The following NTRK2 variants were observed in gnomAD, a reference collection of about 807,000 sequenced individuals.
NTRK2 encodes BDNF/NT-3 growth factors receptor.
Under a neutral mutation model 94.5 loss-of-function variants are expected in NTRK2, and 13 were observed. That is an observed-to-expected ratio of 0.14 (90% confidence interval 0.09 to 0.22). The LOEUF is 0.22. Among genes scored for constraint, NTRK2 ranks in the 10% least tolerant of loss-of-function variants. The probability of loss-of-function intolerance (pLI) is 1.00; values close to 1 mark genes in which losing one functional copy is unlikely to be tolerated. For missense variants in NTRK2, 639 were observed against 1,071.2 expected (o/e 0.60, Z 5.63); for synonymous variants, 372 against 407.4 (o/e 0.91, Z 1.05).
At chr9:84,948,814 T>C (rs1049529771) in intron 16 of NTRK2, among the ~76,000 whole-genome samples, 180 bp downstream of exon 16, 3 of 152,208 alleles carry the variant, frequency 2.0e-5, no homozygotes, top group Admixed American at 6.5e-5. Flanking sequence ...GTCTTGTTCT[T>C]TTTCCTTAAT....
intron 12 of NTRK2, among the ~76,000 whole-genome samples, chr9:84,796,436 A>G (rs922317310): frequency 6.6e-6 from 1 of 152,190 alleles, no homozygotes; most frequent in Non-Finnish European, 1.5e-5. Context: ...ACTTAGTTTC[A>G]AGAGGTGCTG....
At chr9:84,980,358 A>C (rs1466851747) in intron 17 of NTRK2, among the ~76,000 whole-genome samples, 1 of 152,066 alleles carries the variant, frequency 6.6e-6, no homozygotes, top group Non-Finnish European at 1.5e-5. Context: ...TCTTCTTTTG[A>C]CTTACTTACT....
At chr9:85,005,397 G>A (rs1431884081) in intron 17 of NTRK2, among the ~76,000 whole-genome samples, 1 of 152,140 alleles carries the variant, frequency 6.6e-6, no homozygotes, top group Non-Finnish European at 1.5e-5. Flanking sequence ...CTGTGGTCTT[G>A]GATTTCTATG....
chr9:84,897,679 G>T (rs2076800159), intron 14 of NTRK2, among the ~76,000 whole-genome samples: 1 of 152,322 alleles, frequency 6.6e-6, no homozygotes, highest in Non-Finnish European at 1.5e-5. Flanking sequence ...TTAGGACCCA[G>T]AAGTGCAGAG....
rs1205215890 is a variant in NTRK2, at chr9:85,026,020, TTA to T, written c.*4584_*4585del. On this transcript the variant is annotated 3_prime_UTR_variant, in exon 19 of 19. Transcript: ENST00000277120. ...TCAAGTCAAAGGTTCTTGAATATCC[TTA>T]GTTTTTGCATTTCCCCTCCTTTTCC... 1.3e-5 allele frequency: 3 copies of T among 231,662 alleles called. No individual in the cohort carries two copies. In the East Asian group the frequency reaches 1.8e-4, roughly 14 times the overall value. The allele number at this position is 231,662 out of a possible 1,614,324, so 14.4% of individuals were successfully genotyped here. A position where few individuals can be genotyped will look rare whatever the true frequency, so the allele number is the denominator to read the frequency against.
chr9:84,952,008 AT>A (rs1164289117), intron 16 of NTRK2, among the ~76,000 whole-genome samples: 2 of 152,102 alleles, frequency 1.3e-5, no homozygotes, highest in Non-Finnish European at 2.9e-5. Context: ...GGGTTTCATG[AT>A]TTTTCCTCTT....
At chr9:84,915,448 C>T (rs1266134140) in intron 14 of NTRK2, among the ~76,000 whole-genome samples, 1 of 152,088 alleles carries the variant, frequency 6.6e-6, no homozygotes, top group East Asian at 1.9e-4. Context: ...GTGGCTGGTG[C>T]CTCCTCCACT....
intron 12 of NTRK2, among the ~76,000 whole-genome samples, chr9:84,759,632 T>A (rs1299911256): frequency 6.6e-6 from 1 of 152,256 alleles, no homozygotes; most frequent in East Asian, 1.9e-4. Flanking sequence ...ACTTCTTTGG[T>A]CTTCCATTAA....
At chr9:84,762,656 C>T (rs1050995721) in intron 12 of NTRK2, among the ~76,000 whole-genome samples, 2 of 152,196 alleles carry the variant, frequency 1.3e-5, no homozygotes, top group Admixed American at 6.5e-5. Flanking sequence ...AGACACCTAT[C>T]TCAGGCACAA....
chr9:84,890,642 T>C (rs533653082), intron 14 of NTRK2, among the ~76,000 whole-genome samples: 30 of 152,316 alleles, frequency 2.0e-4, no homozygotes, highest in African/African-American at 5.8e-4. Flanking sequence ...GAGATATAAA[T>C]GAAATTTCCA....
chr9:84,911,029 C>T (rs1318911461), intron 14 of NTRK2, among the ~76,000 whole-genome samples: 1 of 152,120 alleles, frequency 6.6e-6, no homozygotes, highest in Non-Finnish European at 1.5e-5. Context: ...AATCCATGAA[C>T]ATAGTATGTT....
At chr9:84,846,984 A>G (rs2074504359) in intron 12 of NTRK2, among the ~76,000 whole-genome samples, 1 of 152,248 alleles carries the variant, frequency 6.6e-6, no homozygotes, top group Non-Finnish European at 1.5e-5. Flanking sequence ...CACAACAGAC[A>G]CAAACAGGCA....
intron 17 of NTRK2, among the ~76,000 whole-genome samples, chr9:84,993,805 C>T (rs920615505): frequency 6.6e-6 from 1 of 152,198 alleles, no homozygotes; most frequent in Non-Finnish European, 1.5e-5. Flanking sequence ...TTGCACCTCT[C>T]CTGTCGCAGG....
chr9:84,873,543 C>G, intron 14 of NTRK2: 1 of 1,056,100 alleles, frequency 9.5e-7, no homozygotes, highest in Non-Finnish European at 1.1e-6. Flanking sequence ...TATCATATTC[C>G]CTTTTCAACT....
At chr9:84,810,468 ATTGTAC>A (rs1452195567) in intron 12 of NTRK2, 3 of 1,322,796 alleles carry the variant, frequency 2.3e-6, no homozygotes, top group African/African-American at 1.5e-5. Flanking sequence ...TTTGAAAGTT[ATTGTAC>A]TTGTATGTTA....
intron 15 of NTRK2, among the ~76,000 whole-genome samples, chr9:84,941,680 G>C (rs1289859524): frequency 1.3e-5 from 2 of 152,182 alleles, no homozygotes; most frequent in Non-Finnish European, 2.9e-5. Flanking sequence ...TTTTATGCTG[G>C]TGTATTTAAA....
At chr9:84,888,179 C>A (rs539050604) in intron 14 of NTRK2, among the ~76,000 whole-genome samples, 7 of 152,246 alleles carry the variant, frequency 4.6e-5, no homozygotes, top group African/African-American at 1.7e-4. Flanking sequence ...ATTGAGAGAA[C>A]TTAACCAGTT....
chr9:84,930,479 G>A (rs889255604), intron 14 of NTRK2, among the ~76,000 whole-genome samples: 17 of 152,186 alleles, frequency 1.1e-4, no homozygotes, highest in African/African-American at 3.6e-4. Context: ...GCACGAGGGA[G>A]AGGGAGTAAA....
chr9:84,703,662 C>T (rs1243473017), intron 4 of NTRK2, among the ~76,000 whole-genome samples: 9 of 152,082 alleles, frequency 5.9e-5, no homozygotes, highest in Non-Finnish European at 2.9e-5. Context: ...ATATTAATTT[C>T]ATAAAGCCAA....
Sources: gnomAD v4.1 joint callset for allele counts (sites outside exome capture counted in the v4.1 genomes callset) on GRCh38, gnomAD v4.1.1 for gene constraint, MANE v1.5 for transcripts, NCBI Gene and HGNC (gene_info 2026-07-23, HGNC 2026-07-21) for gene names.